The following SBF2 variants were observed in gnomAD, a reference collection of about 807,000 sequenced individuals.
The protein encoded by SBF2 is SET binding factor 2.
SBF2 carries 112 observed loss-of-function variants against 225.2 expected under a neutral mutation model. The observed-to-expected ratio is 0.50, with a 90% CI of 0.43 to 0.58. The LOEUF (loss-of-function observed/expected upper bound fraction) is 0.58, where lower values mean the gene tolerates loss of function less well. Among genes scored for constraint, SBF2 ranks in the 20% least tolerant of loss-of-function variants. SBF2 has a pLI of 0.00. For missense variants in SBF2, 1,996 were observed against 2,206.2 expected (o/e 0.90, Z 1.91); for synonymous variants, 763 against 773.3 (o/e 0.99, Z 0.22).
At chr11:9,962,985 T>C (rs1360368195) in intron 15 of SBF2, among the ~76,000 whole-genome samples, 1 of 152,140 alleles carries the variant, frequency 6.6e-6, no homozygotes, top group African/African-American at 2.4e-5. Context: ...AACCAACCCC[T>C]GAAAATAGAT....
At chr11:10,125,743 T>C (rs887043464) in intron 2 of SBF2, among the ~76,000 whole-genome samples, 5 of 152,230 alleles carry the variant, frequency 3.3e-5, no homozygotes, top group African/African-American at 4.8e-5. Context: ...AATGTCCTTT[T>C]CTGTTCCAGG....
intron 1 of SBF2, among the ~76,000 whole-genome samples, chr11:10,209,055 T>C (rs569239933): frequency 9.3e-4 from 142 of 152,306 alleles, no homozygotes; most frequent in African/African-American, 2.8e-3. Context: ...GAAATTCGTA[T>C]CTGTTGCATA....
chr11:10,227,306 G>A (rs1958615516), intron 1 of SBF2, among the ~76,000 whole-genome samples: 1 of 152,162 alleles, frequency 6.6e-6, no homozygotes, highest in Non-Finnish European at 1.5e-5. Context: ...CTTTTGCTGT[G>A]CAGAAGCTCT....
chr11:10,097,196 A>G (rs759170705), intron 2 of SBF2, among the ~76,000 whole-genome samples: 2 of 152,232 alleles, frequency 1.3e-5, no homozygotes, highest in Non-Finnish European at 2.9e-5. Context: ...TTGAGAACAC[A>G]GCATTCTCTC....
chr11:9,840,009 C>T (rs1240755521), intron 25 of SBF2, among the ~76,000 whole-genome samples: 2 of 152,128 alleles, frequency 1.3e-5, no homozygotes, highest in East Asian at 1.9e-4. Flanking sequence ...CTGAGGTGGG[C>T]GGATCACAAG....
At chr11:10,104,391 A>G (rs926466538) in intron 2 of SBF2, among the ~76,000 whole-genome samples, 1 of 152,252 alleles carries the variant, frequency 6.6e-6, no homozygotes, top group African/African-American at 2.4e-5. Flanking sequence ...AAGGTATAAC[A>G]ACAATGGCTG....
chr11:10,145,530 T>C (rs1224796221), intron 2 of SBF2, among the ~76,000 whole-genome samples: 1 of 152,162 alleles, frequency 6.6e-6, no homozygotes, highest in Non-Finnish European at 1.5e-5. Flanking sequence ...CTACCACAGC[T>C]TTTATAATCA....
intron 3 of SBF2, 99 bp from the exon 4 acceptor site, chr11:10,031,269 C>T (rs1476152372): frequency 1.8e-6 from 2 of 1,110,010 alleles, no homozygotes; most frequent in Non-Finnish European, 2.6e-6. Context: ...TATGCAAATT[C>T]AAAATTAATT....
chr11:10,171,986 T>G (rs1330810526), intron 2 of SBF2, among the ~76,000 whole-genome samples: 2 of 152,206 alleles, frequency 1.3e-5, no homozygotes, highest in Non-Finnish European at 2.9e-5. Context: ...GTATCAGTTG[T>G]AACGTCTTCT....
chr11:9,939,972 T>C (rs1865152460), intron 16 of SBF2, among the ~76,000 whole-genome samples: 2 of 152,228 alleles, frequency 1.3e-5, no homozygotes, highest in Admixed American at 1.3e-4. Context: ...CATTTTTGAA[T>C]GTATATTGAC....
At chr11:10,118,814 G>T (rs1392786089) in intron 2 of SBF2, among the ~76,000 whole-genome samples, 4 of 151,476 alleles carry the variant, frequency 2.6e-5, no homozygotes, top group Non-Finnish European at 5.9e-5. Flanking sequence ...ATTTTTAAAT[G>T]GTATACACCC....
At chr11:10,106,941 A>G (rs975200744) in intron 2 of SBF2, among the ~76,000 whole-genome samples, 1 of 152,226 alleles carries the variant, frequency 6.6e-6, no homozygotes, top group South Asian at 2.1e-4. Context: ...TTCATTAGAC[A>G]AATGGAAATT....
chr11:9,842,565 G>C, intron 25 of SBF2, 60 bp downstream of exon 25: 1 of 1,541,860 alleles, frequency 6.5e-7, no homozygotes, highest in Admixed American at 1.7e-5. Context: ...CTACATCTGA[G>C]TCTCTTATTC....
chr11:10,128,114 T>C (rs979980458), intron 2 of SBF2, among the ~76,000 whole-genome samples: 3 of 152,182 alleles, frequency 2.0e-5, no homozygotes, highest in Non-Finnish European at 4.4e-5. Flanking sequence ...TTCTGAGAAG[T>C]TGAATTATAA....
intron 17 of SBF2, among the ~76,000 whole-genome samples, chr11:9,885,251 CAAAAAAAAAAAAA>C (rs71453937): frequency 2.6e-5 from 1 of 38,280 alleles, no homozygotes; most frequent in African/African-American, 1.2e-4. Flanking sequence ...ACTTTTCCTC[CAAAAAAAAAAAAA>C]AAAAAAAAAA....
At chr11:10,123,673 A>G (rs1953594091) in intron 2 of SBF2, among the ~76,000 whole-genome samples, 1 of 152,032 alleles carries the variant, frequency 6.6e-6, no homozygotes, top group Admixed American at 6.5e-5. Flanking sequence ...TTGACTATAA[A>G]GTCTTCCTTA....
intron 16 of SBF2, among the ~76,000 whole-genome samples, chr11:9,900,960 G>A (rs1024742647): frequency 1.3e-5 from 2 of 151,890 alleles, no homozygotes; most frequent in African/African-American, 4.8e-5. Flanking sequence ...AGCTGGTCTT[G>A]GACTCCTGCT....
chr11:10,166,961 CCACACACACACACACA>C (rs373552790), intron 2 of SBF2, among the ~76,000 whole-genome samples: 1 of 125,904 alleles, frequency 7.9e-6, no homozygotes, highest in African/African-American at 3.2e-5. Context: ...GACTCTGTCT[CCACACACACACACACA>C]CACACACACA....
chr11:9,946,732 G>A (rs931354070), intron 16 of SBF2, among the ~76,000 whole-genome samples: 1 of 152,182 alleles, frequency 6.6e-6, no homozygotes, highest in Non-Finnish European at 1.5e-5. Flanking sequence ...TTACAGGCTT[G>A]AGCCACTGCA....
Sources: allele counts gnomAD v4.1 joint callset (sites outside exome capture counted in the v4.1 genomes callset), GRCh38; gene constraint gnomAD v4.1.1; transcripts MANE v1.5; gene names NCBI Gene and HGNC (gene_info 2026-07-23, HGNC 2026-07-21).